WTAP: variants seen among roughly 807,000 people sequenced by gnomAD.
WTAP encodes WT1 associated protein, also known as pre-mRNA-splicing regulator WTAP.
Under a neutral mutation model 50.0 loss-of-function variants are expected in WTAP, and 8 were observed. The observed-to-expected ratio is 0.16, with a 90% CI of 0.09 to 0.29. The LOEUF is 0.29. WTAP is among the 10% of genes least tolerant of loss of function. The pLI is 1.00. For synonymous variants in WTAP, 194 were observed against 169.0 expected, an observed-to-expected ratio of 1.15 and a Z score of -1.15; for missense variants, 295 against 470.7, an observed-to-expected ratio of 0.63 and a Z score of 3.45.
Position 159,753,565 on chromosome 6 carries a change from G to T in WTAP, c.558G>T (p.Glu186Asp), listed in dbSNP as rs781526385. The change falls in exon 7 of 8, where the codon GAG becomes GAT. Residue 186 changes from glutamate to aspartate, a missense_variant. Physicochemically the swap from Glu to Asp is conservative, Grantham distance 45. This residue lies in a region of WTAP where 120 missense variants were observed against 287.6 expected (regional missense o/e 0.42). Coordinates refer to ENST00000621533, the MANE Select transcript of WTAP (RefSeq NM_001270531.2). ...SQGRIAQLEA[E>D]LALQKKYSEE... The stretch of plus-strand genomic sequence containing the variant: ...GACGTATTGCACAACTTGAAGCAGA[G>T]TTGGCTTTACAGAAGAAATACAGTG... 1.2e-6 allele frequency: 2 copies of T among 1,614,186 alleles called. No homozygotes were observed. The highest frequency in any genetic ancestry group is 1.7e-6 in the Non-Finnish European group (2 of 1,180,022).
At chr6:159,753,676 C>A in intron 7 of WTAP, 62 bp downstream of exon 7, 1 of 1,533,622 alleles carries the variant, frequency 6.5e-7, no homozygotes, top group South Asian at 1.3e-5. Context: ...TTAAAACTGC[C>A]AGTCATGAAT....
chr6:159,727,472 G>A, upstream of WTAP: 2 of 993,002 alleles, frequency 2.0e-6, no homozygotes, highest in Non-Finnish European at 2.4e-6. Context: ...GGAGCCGTGC[G>A]GCGGGGCGGG....
At position 159,736,381 on chromosome 6, in the gene WTAP, A is replaced by G; in HGVS notation, c.30+86A>G. The G allele has an allele frequency of 2.8e-6, 3 of 1,064,328 alleles. No individual in the cohort carries two copies. The South Asian group carries it at 4.2e-5, about 15-fold the overall frequency. The allele number at this position is 1,064,328 out of a possible 1,614,324, so 65.9% of individuals were successfully genotyped here. On this transcript the variant is annotated intron_variant, in intron 2 of 7. Transcript: ENST00000621533. ...GCACTTTAAAAAAAAATAGACTTGAAGGGATTATCGTTGTTTGCTTATTTT... is the reference window on the plus strand; with the variant it reads ...GCACTTTAAAAAAAAATAGACTTGAGGGGATTATCGTTGTTTGCTTATTTT...
At chr6:159,751,425 A>AG (rs1179980192) in intron 6 of WTAP, among the ~76,000 whole-genome samples, 2 of 152,384 alleles carry the variant, frequency 1.3e-5, no homozygotes, top group Middle Eastern at 6.8e-3. Context: ...CTTTGCAAGA[A>AG]GACAGTTTTG....
intron 1 of WTAP, among the ~76,000 whole-genome samples, chr6:159,733,414 C>T (rs905911722): frequency 6.6e-6 from 1 of 151,964 alleles, no homozygotes; most frequent in Admixed American, 6.6e-5. Flanking sequence ...CCCAGGAGTT[C>T]GAGACCAGCC....
chr6:159,754,512 T>A (rs1779932835), intron 7 of WTAP, among the ~76,000 whole-genome samples: 1 of 152,192 alleles, frequency 6.6e-6, no homozygotes, highest in Non-Finnish European at 1.5e-5. Context: ...TTAACTTGGT[T>A]GCTTAATACA....
rs1209948512 is a variant in WTAP at position 159,755,127 on chromosome 6, T to TGGCTCAGTACCAGCAGCAGCAGTC, written c.708_731dup (p.Ala237_Ser244dup). 1 of 1,614,210 alleles carries TGGCTCAGTACCAGCAGCAGCAGTC rather than the reference T, an allele frequency of 6.2e-7. No homozygotes were observed. Among genetic ancestry groups the TGGCTCAGTACCAGCAGCAGCAGTC allele is most frequent in the Non-Finnish European group, 8.5e-7 (1 of 1,180,038 alleles). ...CAGCTGAAGGAGACACGCCAGCAGT[T>TGGCTCAGTACCAGCAGCAGCAGTC]GGCTCAGTACCAGCAGCAGCAGTCT... On this transcript the variant is annotated inframe_insertion, in exon 8 of 8. Transcript: ENST00000621533.
Position 159,742,168 on chromosome 6 carries a change from C to T in WTAP, c.145+22C>T, listed in dbSNP as rs760148375. The T allele has an allele frequency of 7.0e-6, 11 of 1,568,952 alleles. No individual in the cohort carries two copies. The East Asian group carries it at 2.3e-4, about 32-fold the overall frequency. ...AACTGTAAGTTTGAGTTTTAGCTTC[C>T]TAAAGACTGAATAATCTCCTTTTGA... On this transcript the variant is annotated intron_variant, in intron 4 of 7. Transcript: ENST00000621533.
Position 159,748,640 on chromosome 6 carries a change from T to G in WTAP, c.452+271T>G. The G allele has an allele frequency of 1.6e-6, 2 of 1,287,238 alleles. No homozygotes were observed. The highest frequency in any genetic ancestry group is 2.0e-6 in the Non-Finnish European group (2 of 1,019,778). The allele number at this position is 1,287,238 out of a possible 1,614,324, so 79.7% of individuals were successfully genotyped here. A position where few individuals can be genotyped will look rare whatever the true frequency, so the allele number is the denominator to read the frequency against. ...GAAGAAGTGGCCACCTCCGAAAAATTCCCCTTCTAGAACATGTAGACACTT... is the reference window on the plus strand; with the variant it reads ...GAAGAAGTGGCCACCTCCGAAAAATGCCCCTTCTAGAACATGTAGACACTT... On this transcript the variant is annotated intron_variant, in intron 6 of 7. Transcript: ENST00000621533. This position sits in a 1 kb window ranked among gnomAD's most constrained non-coding sequence, Gnocchi z 5.6.
In WTAP at chr6:159,748,141, A is replaced by G. The variant is rs770560886; in HGVS notation, c.274-50A>G. 6.4e-7 allele frequency: 1 copy of G among 1,553,522 alleles called. No homozygotes were observed. Among genetic ancestry groups the G allele is most frequent in the South Asian group, 1.2e-5 (1 of 83,008 alleles). ...TGGAGGGAGTTTTCCCCACCTTCTTATGTATGTTTCCTTTGATTTGGTCGT... is the reference window on the plus strand; with the variant it reads ...TGGAGGGAGTTTTCCCCACCTTCTTGTGTATGTTTCCTTTGATTTGGTCGT... On this transcript the variant is annotated intron_variant, in intron 5 of 7. Transcript: ENST00000621533. This position sits in a 1 kb window ranked among gnomAD's most constrained non-coding sequence, Gnocchi z 5.6.
intron 1 of WTAP, among the ~76,000 whole-genome samples, chr6:159,729,418 TCATTGTG>T (rs1245490246): frequency 1.3e-5 from 2 of 152,228 alleles, no homozygotes; most frequent in East Asian, 3.8e-4. Context: ...ATAGTAAACT[TCATTGTG>T]TATTGTGTAT....
At chr6:159,730,543 G>GAACC in intron 1 of WTAP, among the ~76,000 whole-genome samples, 1 of 152,308 alleles carries the variant, frequency 6.6e-6, no homozygotes, top group African/African-American at 2.4e-5. Flanking sequence ...CCAAATAGTT[G>GAACC]AATGTTGTAG....
rs771975668 is a variant in WTAP, at chr6:159,748,264, C to T, written c.347C>T (p.Ala116Val). 8.7e-6 allele frequency: 14 copies of T among 1,613,820 alleles called. No homozygotes were observed. The highest frequency in any genetic ancestry group is 2.7e-5 in the African/African-American group (2 of 74,872). The change falls in exon 6 of 8, where the codon GCG (alanine) becomes GTG (valine). Residue 116 changes from alanine (A) to valine (V), a missense_variant. Physicochemically the swap from Ala to Val is moderately conservative, Grantham distance 64 (BLOSUM62 0). This residue lies in a region of WTAP where 120 missense variants were observed against 287.6 expected (regional missense o/e 0.42). Transcript: ENST00000621533. This position sits in a 1 kb window ranked among gnomAD's most constrained non-coding sequence, Gnocchi z 5.6. ...CTGAGATCAACAATGGTAGACCCAG[C>T]GATCAACTTGTTTTTCCTAAAAATG... ...AQLRSTMVDP[A>V]INLFFLKMKG...
rs180937395 is a variant in WTAP at position 159,754,889 on chromosome 6, T to G, written c.608-139T>G. ...CATATTTTAAGATTCCAAGCAAAAT[T>G]TTTAAATGTAGTGTGATTTTAGAAT... On this transcript the variant is annotated intron_variant, in intron 7 of 7. Coordinates refer to ENST00000621533, the MANE Select transcript of WTAP (RefSeq NM_001270531.2). 8,097 of 970,622 alleles carry G rather than the reference T, an allele frequency of 8.3e-3. 49 individuals carry two copies. Among genetic ancestry groups the G allele is most frequent in the Non-Finnish European group, 0.011 (7,381 of 692,470 alleles). The allele number at this position is 970,622 out of a possible 1,614,324, so 60.1% of individuals were successfully genotyped here.
chr6:159,734,723 A>G (rs999941402), intron 1 of WTAP, among the ~76,000 whole-genome samples: 7 of 152,200 alleles, frequency 4.6e-5, no homozygotes, highest in African/African-American at 1.7e-4. Context: ...AATATGCCAA[A>G]TGCAATTTAG....
In WTAP at chr6:159,738,994, G is replaced by A. The variant is rs1203268608; in HGVS notation, c.35G>A (p.Arg12Gln). The change falls in exon 3 of 8, where the codon CGA becomes CAA. Residue 12 changes from arginine to glutamine, a missense_variant. By Grantham distance (43) the Arg-to-Gln change is conservative. Around this residue, in one of 2 missense-constraint regions of WTAP, gnomAD observed 120 missense variants for 287.6 expected, o/e 0.42. Coordinates refer to ENST00000621533, the MANE Select transcript of WTAP (RefSeq NM_001270531.2). ...TNEEPLPKKV[R>Q]LSETDFKVMA... ...ATATTGTAATTCTCTTTATAGGTTC[G>A]ATTGAGTGAAACAGACTTCAAAGTT... The A allele has an allele frequency of 1.2e-6, 2 of 1,610,688 alleles. No individual in the cohort carries two copies. The highest frequency in any genetic ancestry group is 1.7e-6 in the Non-Finnish European group (2 of 1,177,910).
At position 159,745,448 on chromosome 6, in the gene WTAP, T is replaced by C. The variant is rs576178817; in HGVS notation, c.273+1656T>C. On this transcript the variant is annotated intron_variant, in intron 5 of 7. Transcript: ENST00000621533. ...CTAACCTTTTCCAGCTTTTTTTTTTTTTTAAAACAGCTGTCACCTGCATAC... is the reference window on the plus strand; with the variant it reads ...CTAACCTTTTCCAGCTTTTTTTTTTCTTTAAAACAGCTGTCACCTGCATAC... 4.6e-5 allele frequency among the ~76,000 whole-genome samples: 7 copies of C among 152,284 alleles called. No individual in the cohort carries two copies. In the South Asian group the frequency reaches 1.5e-3, roughly 32 times the overall value.
intron 1 of WTAP, among the ~76,000 whole-genome samples, chr6:159,729,772 A>G (rs993891952): frequency 3.9e-5 from 6 of 152,156 alleles, no homozygotes; most frequent in Non-Finnish European, 8.8e-5. Context: ...GTGTCTGCAG[A>G]TTGGTGTCTT....
chr6:159,741,365 G>A (rs1779245148), intron 3 of WTAP, among the ~76,000 whole-genome samples: 1 of 152,192 alleles, frequency 6.6e-6, no homozygotes, highest in South Asian at 2.1e-4. Context: ...TTTACAGGCA[G>A]AAATTGATAC....
Sources: gnomAD v4.1 joint callset for allele counts (sites outside exome capture counted in the v4.1 genomes callset) on GRCh38, gnomAD v4.1.1 for gene constraint, gnomAD v4.1.1 regional missense constraint, Gnocchi (gnomAD v3.1) non-coding constraint, MANE v1.5 for transcripts, NCBI Gene and HGNC (gene_info 2026-07-23, HGNC 2026-07-21) for gene names.